The following NRXN3 variants were observed in gnomAD, a reference collection of about 807,000 sequenced individuals.
The protein encoded by NRXN3 is neurexin III.
NRXN3 carries 32 observed loss-of-function variants against 137.6 expected under a neutral mutation model. The ratio of observed to expected loss-of-function variants is 0.23; its 90% CI spans 0.18 to 0.31. The LOEUF (loss-of-function observed/expected upper bound fraction) is 0.31. Among genes scored for constraint, NRXN3 ranks in the 10% least tolerant of loss-of-function variants. NRXN3 has a pLI of 1.00. For synonymous variants in NRXN3, 798 were observed against 784.5 expected, an observed-to-expected ratio of 1.02 and a Z score of -0.29; for missense variants, 1,574 against 2,062.5, an observed-to-expected ratio of 0.76 and a Z score of 4.59.
intron 15 of NRXN3, among the ~76,000 whole-genome samples, chr14:79,332,497 C>A (rs776182911): frequency 6.6e-6 from 1 of 152,166 alleles, no homozygotes; most frequent in Non-Finnish European, 1.5e-5. Flanking sequence ...CTTCTACTCA[C>A]CGTTTAAGAC....
intron 1 of NRXN3, among the ~76,000 whole-genome samples, chr14:78,174,873 C>G (rs2059115259): frequency 6.6e-6 from 1 of 152,140 alleles, no homozygotes; most frequent in Non-Finnish European, 1.5e-5. Flanking sequence ...TGGGCGGATA[C>G]AGATTGAAGG....
intron 19 of NRXN3, among the ~76,000 whole-genome samples, chr14:79,787,182 A>G (rs1172874217): frequency 6.6e-6 from 1 of 152,192 alleles, no homozygotes; most frequent in East Asian, 1.9e-4. Flanking sequence ...ATGGACTTTT[A>G]TGGACCACTG....
chr14:79,657,597 A>G (rs1470474600), intron 16 of NRXN3, among the ~76,000 whole-genome samples: 1 of 152,172 alleles, frequency 6.6e-6, no homozygotes, highest in Admixed American at 6.5e-5. Context: ...GAACAAGAAG[A>G]CCATAATGTT....
chr14:79,104,362 T>C (rs1430117184), intron 15 of NRXN3, among the ~76,000 whole-genome samples: 1 of 152,098 alleles, frequency 6.6e-6, no homozygotes, highest in Non-Finnish European at 1.5e-5. Flanking sequence ...AATGAGGCTA[T>C]GAGTATAGAT....
chr14:78,526,491 T>C (rs1029802474), intron 4 of NRXN3, among the ~76,000 whole-genome samples: 4 of 152,318 alleles, frequency 2.6e-5, no homozygotes, highest in Non-Finnish European at 4.4e-5. Flanking sequence ...AAACTAACAA[T>C]GTTATTGTTA....
intron 19 of NRXN3, among the ~76,000 whole-genome samples, chr14:79,746,102 T>C (rs2098978828): frequency 6.6e-6 from 1 of 152,176 alleles, no homozygotes; most frequent in Admixed American, 6.6e-5. Flanking sequence ...CAGGCTTCTA[T>C]AGACCTCTCT....
At chr14:78,733,414 T>C (rs1197346536) in intron 8 of NRXN3, among the ~76,000 whole-genome samples, 1 of 152,178 alleles carries the variant, frequency 6.6e-6, no homozygotes, top group Non-Finnish European at 1.5e-5. Flanking sequence ...AAACATTTCC[T>C]CTAGGATGCC....
chr14:78,520,645 A>G (rs1229264718), intron 4 of NRXN3, among the ~76,000 whole-genome samples: 1 of 152,230 alleles, frequency 6.6e-6, no homozygotes, highest in Non-Finnish European at 1.5e-5. Context: ...TTGAAGCCTC[A>G]GTATCCTTAT....
intron 10 of NRXN3, among the ~76,000 whole-genome samples, chr14:78,855,391 C>T (rs2099054337): frequency 6.6e-6 from 1 of 152,066 alleles, no homozygotes; most frequent in African/African-American, 2.4e-5. Context: ...GAAAAAGGTA[C>T]ACTTTGGTAT....
intron 15 of NRXN3, among the ~76,000 whole-genome samples, chr14:79,263,470 T>C (rs1417761176): frequency 6.6e-6 from 1 of 152,166 alleles, no homozygotes. Flanking sequence ...CATTCATTAG[T>C]AACCAGAGAC....
chr14:79,178,706 C>T (rs2062612920), intron 15 of NRXN3, among the ~76,000 whole-genome samples: 1 of 152,126 alleles, frequency 6.6e-6, no homozygotes, highest in Admixed American at 6.5e-5. Flanking sequence ...AAGCACAAGA[C>T]AACATGATCT....
intron 10 of NRXN3, among the ~76,000 whole-genome samples, chr14:78,827,272 A>G (rs983511362): frequency 4.0e-4 from 5 of 12,350 alleles, no homozygotes; most frequent in African/African-American, 4.7e-4. Context: ...GAGAGGACCG[A>G]AAAAAAAAAA....
intron 10 of NRXN3, among the ~76,000 whole-genome samples, chr14:78,886,993 A>G (rs1172476502): frequency 6.6e-6 from 1 of 152,140 alleles, no homozygotes; most frequent in Non-Finnish European, 1.5e-5. Flanking sequence ...CAGAGTTTCA[A>G]GAGTTTTCCT....
At chr14:79,696,106 G>A (rs1272060325) in intron 18 of NRXN3, among the ~76,000 whole-genome samples, 2 of 151,828 alleles carry the variant, frequency 1.3e-5, no homozygotes, top group Non-Finnish European at 2.9e-5. Context: ...TCTCTTCTCT[G>A]CCACTTCCAT....
chr14:79,052,421 G>A (rs768506555), intron 15 of NRXN3, among the ~76,000 whole-genome samples: 3 of 152,186 alleles, frequency 2.0e-5, no homozygotes, highest in Non-Finnish European at 2.9e-5. Flanking sequence ...TGAGACTTGC[G>A]GATCTCATTT....
At chr14:78,398,085 G>A (rs868175302) in intron 4 of NRXN3, among the ~76,000 whole-genome samples, 4 of 151,224 alleles carry the variant, frequency 2.6e-5, no homozygotes, top group Admixed American at 6.6e-5. Flanking sequence ...ATGGTGGTGC[G>A]TCCCTGTAAT....
chr14:79,386,179 T>C (rs1019955462), intron 15 of NRXN3, among the ~76,000 whole-genome samples: 23 of 152,172 alleles, frequency 1.5e-4, no homozygotes, highest in African/African-American at 5.1e-4. Flanking sequence ...TGTTTGCAGA[T>C]GACATGACTG....
chr14:79,306,164 TC>T (rs1436759859), intron 15 of NRXN3, among the ~76,000 whole-genome samples: 1 of 152,032 alleles, frequency 6.6e-6, no homozygotes, highest in Non-Finnish European at 1.5e-5. Flanking sequence ...TCAGCTTAAA[TC>T]CTTTCCAGAG....
rs1601829622 is a variant in NRXN3 at position 79,539,788 on chromosome 14, A to G, written c.3444+72386A>G. ...TAAAGCCACTTATAGGAGACAATGC[A>G]CATTCTGTGTTTTTTCTCTGTGGCT... On this transcript the variant is annotated intron_variant, in intron 16 of 20. Transcript: ENST00000335750. Among the ~76,000 whole-genome samples, 7 of 152,330 alleles carry G rather than the reference A, an allele frequency of 4.6e-5. No individual in the cohort carries two copies. In the East Asian group the frequency reaches 1.4e-3, roughly 29 times the overall value.
Sources: allele counts gnomAD v4.1 joint callset (sites outside exome capture counted in the v4.1 genomes callset), GRCh38; gene constraint gnomAD v4.1.1; transcripts MANE v1.5; gene names NCBI Gene and HGNC (gene_info 2026-07-23, HGNC 2026-07-21).